The following ALK variants were observed in gnomAD, a reference collection of about 807,000 sequenced individuals.
The protein encoded by ALK is ALK tyrosine kinase receptor.
ALK carries 74 observed loss-of-function variants against 163.1 expected under a neutral mutation model. That is an observed-to-expected ratio of 0.45 (90% CI 0.38 to 0.55). The LOEUF is 0.55. Among genes scored for constraint, ALK ranks in the 20% least tolerant of loss-of-function variants. The pLI, the probability that ALK is intolerant of heterozygous loss-of-function variation, is 0.00. For synonymous variants in ALK, 960 were observed against 843.2 expected (o/e 1.14, Z -2.40); for missense variants, 2,063 against 2,105.3 (o/e 0.98, Z 0.39).
At chr2:29,670,851 A>T (rs1677662505) in intron 3 of ALK, among the ~76,000 whole-genome samples, 1 of 152,036 alleles carries the variant, frequency 6.6e-6, no homozygotes, top group Admixed American at 6.6e-5. Context: ...TTTTATTTTT[A>T]AAAACTATTT....
intron 1 of ALK, among the ~76,000 whole-genome samples, chr2:29,786,109 G>A (rs541898856): frequency 2.0e-5 from 3 of 152,194 alleles, no homozygotes; most frequent in Admixed American, 6.5e-5. Context: ...GATGATTGAC[G>A]TTCCCCTTTT....
intron 5 of ALK, among the ~76,000 whole-genome samples, chr2:29,373,078 A>T (rs977727054): frequency 2.0e-5 from 3 of 152,164 alleles, no homozygotes; most frequent in African/African-American, 7.2e-5. Flanking sequence ...CACCAGCTGG[A>T]GCATCCGTCT....
At chr2:29,771,588 G>A (rs918921632) in intron 1 of ALK, among the ~76,000 whole-genome samples, 1 of 151,874 alleles carries the variant, frequency 6.6e-6, no homozygotes, top group East Asian at 1.9e-4. Context: ...AGGCTGGAGT[G>A]CAGTGTCACG....
At chr2:29,269,982 C>T (rs367865875) in intron 11 of ALK, among the ~76,000 whole-genome samples, 64 of 152,276 alleles carry the variant, frequency 4.2e-4, no homozygotes, top group African/African-American at 1.4e-3. Flanking sequence ...TCTGTTGAAA[C>T]GAAAACTAAC....
At chr2:29,904,728 A>G (rs573367490) in intron 1 of ALK, among the ~76,000 whole-genome samples, 11 of 152,358 alleles carry the variant, frequency 7.2e-5, no homozygotes, top group Admixed American at 2.0e-4. Context: ...TGTCAAACCT[A>G]GAACTAATTC....
At chr2:29,509,568 A>G (rs1672452945) in intron 4 of ALK, among the ~76,000 whole-genome samples, 1 of 152,138 alleles carries the variant, frequency 6.6e-6, no homozygotes, top group African/African-American at 2.4e-5. Flanking sequence ...GAACTTTTAT[A>G]CTTTTATTCA....
At chr2:29,714,672 C>G (rs1679197311) in intron 2 of ALK, among the ~76,000 whole-genome samples, 1 of 152,188 alleles carries the variant, frequency 6.6e-6, no homozygotes, top group Non-Finnish European at 1.5e-5. Context: ...CTTGCAGAGA[C>G]TTGGTGACTT....
chr2:29,900,555 T>G (rs1253947058), intron 1 of ALK, among the ~76,000 whole-genome samples: 1 of 152,262 alleles, frequency 6.6e-6, no homozygotes, highest in African/African-American at 2.4e-5. Context: ...AAAATAATTT[T>G]TTCTGGCACC....
chr2:29,313,066 C>T lies in ALK; in HGVS notation c.1647+5238G>A, dbSNP rs1413365839. ...ATTTACAAGAAGGGTTTTACAAACA[C>T]CACAAAGTGTAGCATTGCTTGGCCA... On this transcript the variant is annotated intron_variant, in intron 8 of 28. Coordinates refer to ENST00000389048, the MANE Select transcript of ALK (RefSeq NM_004304.5). 2.6e-5 allele frequency among the ~76,000 whole-genome samples: 4 copies of T among 152,304 alleles called. No individual in the cohort carries two copies. The East Asian group carries it at 7.7e-4, about 29-fold the overall frequency.
intron 3 of ALK, among the ~76,000 whole-genome samples, chr2:29,563,600 C>G (rs1025515883): frequency 6.6e-6 from 1 of 152,156 alleles, no homozygotes; most frequent in African/African-American, 2.4e-5. Context: ...CCAAGAGGCT[C>G]TTTCTGATGT....
intron 9 of ALK, among the ~76,000 whole-genome samples, chr2:29,295,702 T>G (rs1372431410): frequency 1.3e-5 from 2 of 152,232 alleles, no homozygotes; most frequent in African/African-American, 4.8e-5. Flanking sequence ...TTTACACTTA[T>G]AAAGCTGCAT....
At position 29,920,037 on chromosome 2, in the gene ALK, A is replaced by ACAGCC; in HGVS notation, c.622_623insGGCTG (p.Ile208ArgfsTer43). 6.2e-7 allele frequency: 1 copy of ACAGCC among 1,614,130 alleles called. No individual in the cohort carries two copies. On this transcript the variant is annotated frameshift_variant, in exon 1 of 29. Transcript: ENST00000389048. LOFTEE classifies it high-confidence loss of function. ...GAGAAGGCGGGGCTGGGAGGCGCGA[A>ACAGCC]TTGCCGCGGACAGCCTTCCCTCTCT...
In ALK at chr2:29,625,651, C is replaced by A. The variant is rs565431260; in HGVS notation, c.952+69199G>T. Among the ~76,000 whole-genome samples the A allele has an allele frequency of 1.7e-3, 256 of 152,352 alleles. 1 individual carries two copies. Among genetic ancestry groups the A allele is most frequent in the Non-Finnish European group, 1.5e-3 (99 of 68,042 alleles). ...GTCAGCATCATACAATGTTCTTATA[C>A]AAGCCTAGGCGATATGGCCTTCTAT... On this transcript the variant is annotated intron_variant, in intron 3 of 28. Coordinates refer to ENST00000389048, the MANE Select transcript of ALK (RefSeq NM_004304.5).
At chr2:29,527,932 C>T (rs967862514) in intron 4 of ALK, among the ~76,000 whole-genome samples, 10 of 152,080 alleles carry the variant, frequency 6.6e-5, no homozygotes, top group Non-Finnish European at 1.0e-4. Flanking sequence ...CCGTATCTTC[C>T]GGGTCTAGGG....
chr2:29,748,679 T>C (rs1030961658), intron 1 of ALK, among the ~76,000 whole-genome samples: 1 of 152,148 alleles, frequency 6.6e-6, no homozygotes, highest in Admixed American at 6.5e-5. Context: ...TGTATACATA[T>C]TTAATAGGTA....
At chr2:29,777,637 G>A (rs1382951179) in intron 1 of ALK, among the ~76,000 whole-genome samples, 2 of 152,164 alleles carry the variant, frequency 1.3e-5, no homozygotes, top group Non-Finnish European at 2.9e-5. Context: ...TATCTCATAA[G>A]ATGAGGGACA....
At chr2:29,798,674 C>T (rs141284887) in intron 1 of ALK, among the ~76,000 whole-genome samples, 8 of 152,350 alleles carry the variant, frequency 5.3e-5, no homozygotes, top group Non-Finnish European at 8.8e-5. Flanking sequence ...TCTATGCTTC[C>T]ATGGACATCC....
chr2:29,655,085 G>A (rs1677147878), intron 3 of ALK, among the ~76,000 whole-genome samples: 1 of 152,086 alleles, frequency 6.6e-6, no homozygotes, highest in African/African-American at 2.4e-5. Flanking sequence ...ATATAAATCA[G>A]AGAAATGTCC....
chr2:29,846,189 T>C (rs1261110477), intron 1 of ALK, among the ~76,000 whole-genome samples: 1 of 152,182 alleles, frequency 6.6e-6, no homozygotes, highest in African/African-American at 2.4e-5. Flanking sequence ...CTCCTGTCTG[T>C]TTCTTGAACA....
Sources: allele counts gnomAD v4.1 joint callset (sites outside exome capture counted in the v4.1 genomes callset), GRCh38; gene constraint gnomAD v4.1.1; transcripts MANE v1.5; gene names NCBI Gene and HGNC (gene_info 2026-07-23, HGNC 2026-07-21).